The following ABCC12 variants were observed in gnomAD, a reference collection of about 807,000 sequenced individuals.
The protein encoded by ABCC12 is ATP binding cassette subfamily C member 12, also known as ATP-binding cassette sub-family C member 12.
ABCC12 carries 142 observed loss-of-function variants against 151.1 expected under a neutral mutation model. The ratio of observed to expected loss-of-function variants is 0.94; its 90% CI spans 0.82 to 1.08. ABCC12 has a LOEUF of 1.08. Ranked by LOEUF, ABCC12 falls within the 50% of genes least tolerant of loss-of-function variation. The pLI, the probability that ABCC12 is intolerant of heterozygous loss-of-function variation, is 0.00. For missense variants in ABCC12, 1,638 were observed against 1,691.1 expected, an observed-to-expected ratio of 0.97 and a Z score of 0.55; for synonymous variants, 645 against 646.4, an observed-to-expected ratio of 1.00 and a Z score of 0.03.
intron 24 of ABCC12, 96 bp downstream of exon 24, chr16:48,096,650 A>G (rs536065631): frequency 1.3e-4 from 161 of 1,274,266 alleles, no homozygotes; most frequent in Non-Finnish European, 1.8e-4. Context: ...AACCCATTCG[A>G]GTTGGGGTTT....
At chr16:48,087,213 G>A (rs1007907130) in intron 27 of ABCC12, 15 of 199,368 alleles carry the variant, frequency 7.5e-5, no homozygotes, top group Admixed American at 5.7e-4. Flanking sequence ...TCCATGTATC[G>A]GCAGCTCCTA....
chr16:48,146,752 C>T (rs2150682684), intron 2 of ABCC12: 1 of 245,864 alleles, frequency 4.1e-6, no homozygotes, highest in East Asian at 9.9e-5. Flanking sequence ...TGGTTGGGAG[C>T]CGGTCCAATG....
chr16:48,146,130 C>T (rs532697985), intron 3 of ABCC12, among the ~76,000 whole-genome samples, 176 bp downstream of exon 3: 1 of 152,312 alleles, frequency 6.6e-6, no homozygotes, highest in South Asian at 2.1e-4. Context: ...CACCAAAGGA[C>T]AGGAGGAGGC....
intron 11 of ABCC12, among the ~76,000 whole-genome samples, chr16:48,127,150 T>C (rs1156297982): frequency 6.6e-6 from 1 of 152,188 alleles, no homozygotes; most frequent in Non-Finnish European, 1.5e-5. Context: ...TCACACCAGC[T>C]ATTGAGCTTG....
chr16:48,117,154 T>C (rs1457136430), intron 14 of ABCC12, 107 bp downstream of exon 14: 2 of 1,065,352 alleles, frequency 1.9e-6, no homozygotes, highest in East Asian at 2.6e-5. Context: ...CCACACGTCC[T>C]TGGGGCATCT....
intron 15 of ABCC12, among the ~76,000 whole-genome samples, chr16:48,112,366 C>T (rs1474047801): frequency 1.3e-5 from 2 of 152,114 alleles, no homozygotes; most frequent in African/African-American, 2.4e-5. Context: ...GAGGCTGAAG[C>T]GGGTGGATCA....
intron 2 of ABCC12, among the ~76,000 whole-genome samples, chr16:48,150,985 C>T (rs866053837): frequency 6.6e-6 from 1 of 152,222 alleles, no homozygotes; most frequent in Middle Eastern, 3.4e-3. Context: ...TAACTGTGTA[C>T]ATGTATAGCA....
At chr16:48,116,807 TTGGGGTGGCAGGCTCAGCCCAGGA>T (rs1276020012) in intron 14 of ABCC12, among the ~76,000 whole-genome samples, 3 of 152,056 alleles carry the variant, frequency 2.0e-5, no homozygotes, top group Non-Finnish European at 2.9e-5. Flanking sequence ...CCTGGGTCTC[TTGGGGTGGCAGGCTCAGCCCAGGA>T]TGGGGTGGCA....
chr16:48,117,375 C>G, intron 13 of ABCC12, 42 bp from the exon 14 acceptor site: 1 of 1,602,186 alleles, frequency 6.2e-7, no homozygotes, highest in Non-Finnish European at 8.5e-7. Flanking sequence ...GAGAAAGACC[C>G]CAAGCACTGC....
chr16:48,091,280 G>A (rs1438116388), intron 24 of ABCC12, 71 bp from the exon 25 acceptor site: 3 of 1,380,346 alleles, frequency 2.2e-6, no homozygotes, highest in South Asian at 1.2e-5. Context: ...CCCCGTTCAG[G>A]AGGCAGTCCT....
intron 10 of ABCC12, among the ~76,000 whole-genome samples, chr16:48,130,335 G>A (rs1005991269): frequency 6.6e-6 from 1 of 152,136 alleles, no homozygotes; most frequent in African/African-American, 2.4e-5. Flanking sequence ...TTATATATAG[G>A]AGGCACAAAG....
chr16:48,139,018 C>A, intron 7 of ABCC12, 145 bp downstream of exon 7: 1 of 979,976 alleles, frequency 1.0e-6, no homozygotes. Context: ...CAAAAAACCA[C>A]TACTCTGTGC....
At chr16:48,111,056 C>T (rs1963668668) in intron 18 of ABCC12, among the ~76,000 whole-genome samples, 1 of 152,230 alleles carries the variant, frequency 6.6e-6, no homozygotes, top group African/African-American at 2.4e-5. Context: ...TCTAACGAAT[C>T]CCCATGCAGT....
At chr16:48,113,425 C>T (rs976537738) in intron 15 of ABCC12, among the ~76,000 whole-genome samples, 3 of 152,228 alleles carry the variant, frequency 2.0e-5, no homozygotes, top group African/African-American at 7.2e-5. Flanking sequence ...CAGCAAGCCC[C>T]CAGTTCACTC....
intron 8 of ABCC12, among the ~76,000 whole-genome samples, chr16:48,136,539 G>A (rs1964616588): frequency 1.3e-5 from 2 of 152,212 alleles, no homozygotes; most frequent in African/African-American, 4.8e-5. Flanking sequence ...ATAGAGGAGT[G>A]AACAGGGTCT....
intron 13 of ABCC12, 89 bp downstream of exon 13, chr16:48,121,627 A>T (rs1361489596): frequency 9.9e-6 from 15 of 1,516,968 alleles, no homozygotes; most frequent in Non-Finnish European, 9.0e-7. Flanking sequence ...CTCAGAACCC[A>T]CTTAGCAGTC....
At chr16:48,155,376 TAAAAA>T (rs111585385) in intron 1 of ABCC12, among the ~76,000 whole-genome samples, 2 of 125,146 alleles carry the variant, frequency 1.6e-5, no homozygotes, top group Admixed American at 8.2e-5. Flanking sequence ...ATTTAAAAGT[TAAAAA>T]AAAAAAAAAA....
rs1336401643 is a variant in ABCC12 at position 48,107,323 on chromosome 16, C to T, written c.2474G>A (p.Arg825Gln). 2.5e-6 allele frequency: 4 copies of T among 1,613,984 alleles called. No individual in the cohort carries two copies. The highest frequency in any genetic ancestry group is 1.7e-5 in the Admixed American group (1 of 60,026). Residue 825 changes from arginine to glutamine, a missense_variant and splice_region_variant, in exon 20 of 31, where the codon CGG becomes CAG. Coordinates refer to ENST00000311303, the MANE Select transcript of ABCC12 (RefSeq NM_001393797.1). ...TTCCAATGCCAAAGGGAAACTCACC[C>T]GTGAGCCCTTGTCCAACCAGAGACC... ...WLGLWLDKGS[R>Q]MTCGPQGNRT...
Position 48,151,238 on chromosome 16 carries a change from G to A in ABCC12, c.-51+2378C>T, listed in dbSNP as rs73540874. 1.6e-3 allele frequency among the ~76,000 whole-genome samples: 238 copies of A among 152,164 alleles called. 1 individual carries two copies. The highest frequency in any genetic ancestry group is 5.0e-3 in the African/African-American group (208 of 41,500). On this transcript the variant is annotated intron_variant, in intron 2 of 30. Transcript: ENST00000311303. The stretch of plus-strand genomic sequence containing the variant: ...GGGCACTTTACCTCTGAGGTCCTCC[G>A]CCCAAAACCTCATAACGCCGGTCTA...
Sources: gnomAD v4.1 joint callset for allele counts (sites outside exome capture counted in the v4.1 genomes callset) on GRCh38, gnomAD v4.1.1 for gene constraint, MANE v1.5 for transcripts, NCBI Gene and HGNC (gene_info 2026-07-23, HGNC 2026-07-21) for gene names.